Variants in SYT6 observed in about 807,000 individuals in gnomAD.
SYT6 encodes synaptotagmin 6, also known as synaptotagmin-6.
A neutral mutation model predicts 38.4 loss-of-function variants in SYT6; 24 were observed. The ratio of observed to expected loss-of-function variants is 0.62; its 90% CI spans 0.45 to 0.88. The LOEUF is 0.88. Among genes scored for constraint, SYT6 ranks in the 40% least tolerant of loss-of-function variants. The pLI is 0.00. For missense variants in SYT6, 611 were observed against 621.0 expected, an observed-to-expected ratio of 0.98 and a Z score of 0.17; for synonymous variants, 265 against 241.9, an observed-to-expected ratio of 1.10 and a Z score of -0.89.
At chr1:114,095,875 C>T (rs1042501152) in intron 6 of SYT6, among the ~76,000 whole-genome samples, 9 of 152,000 alleles carry the variant, frequency 5.9e-5, no homozygotes, top group African/African-American at 1.9e-4. Flanking sequence ...TTAGCCAGGA[C>T]GGTCTCAATC....
intron 2 of SYT6, among the ~76,000 whole-genome samples, chr1:114,138,630 A>T (rs1374146079): frequency 6.6e-6 from 1 of 152,234 alleles, no homozygotes; most frequent in African/African-American, 2.4e-5. Flanking sequence ...AGGATAATAA[A>T]AGTAACAGCT....
At chr1:114,147,658 T>A (rs1232031706) in intron 1 of SYT6, among the ~76,000 whole-genome samples, 1 of 152,246 alleles carries the variant, frequency 6.6e-6, no homozygotes, top group African/African-American at 2.4e-5. Flanking sequence ...AGTGCCAGAA[T>A]GACCGACAGC....
chr1:114,111,331 A>ACTATTATCT (rs1292434651), intron 3 of SYT6, among the ~76,000 whole-genome samples: 1 of 152,124 alleles, frequency 6.6e-6, no homozygotes, highest in Non-Finnish European at 1.5e-5. Flanking sequence ...ACCACTTTTT[A>ACTATTATCT]CCTGGGGACA....
intron 3 of SYT6, among the ~76,000 whole-genome samples, chr1:114,130,082 C>T (rs1678058290): frequency 6.6e-6 from 1 of 152,050 alleles, no homozygotes; most frequent in Non-Finnish European, 1.5e-5. Context: ...AGGGTTCTCT[C>T]CCATATTTCA....
At chr1:114,122,520 C>A (rs1286491853) in intron 3 of SYT6, among the ~76,000 whole-genome samples, 2 of 144,304 alleles carry the variant, frequency 1.4e-5, no homozygotes, top group Admixed American at 7.2e-5. Flanking sequence ...CGCACATGAG[C>A]ATATGCACAC....
At chr1:114,092,161 G>T in intron 7 of SYT6, 79 bp from the exon 8 acceptor site, 1 of 1,337,074 alleles carries the variant, frequency 7.5e-7, no homozygotes, top group Non-Finnish European at 1.0e-6. Context: ...CTGGCCCAAT[G>T]CACTGAATTC....
chr1:114,112,918 A>G (rs537675227), intron 3 of SYT6, among the ~76,000 whole-genome samples: 4 of 152,012 alleles, frequency 2.6e-5, no homozygotes, highest in African/African-American at 4.8e-5. Flanking sequence ...GGGGGCTGGG[A>G]CTCTCAGCAG....
chr1:114,135,151 G>A (rs1468746207), intron 3 of SYT6, among the ~76,000 whole-genome samples: 5 of 151,986 alleles, frequency 3.3e-5, no homozygotes, highest in Admixed American at 2.0e-4. Flanking sequence ...CATGGGTGGG[G>A]CTCTGCAGCT....
At position 114,091,569 on chromosome 1, in the gene SYT6, C is replaced by A; in HGVS notation, c.*565G>T. 6.4e-6 allele frequency: 1 copy of A among 155,290 alleles called. No individual in the cohort carries two copies. The allele number at this position is 155,290 out of a possible 1,614,324, so 9.6% of individuals were successfully genotyped here. A position where few individuals can be genotyped will look rare whatever the true frequency, so the allele number is the denominator to read the frequency against. ...GGCTCTTCCATGGATTCACCCCATTCCTGCAGGGCACTGAAAATGCAGCCG... is the reference window on the plus strand; with the variant it reads ...GGCTCTTCCATGGATTCACCCCATTACTGCAGGGCACTGAAAATGCAGCCG... On this transcript the variant is annotated 3_prime_UTR_variant, in exon 8 of 8. Coordinates refer to ENST00000610222, the MANE Select transcript of SYT6 (RefSeq NM_001253772.2).
intron 3 of SYT6, among the ~76,000 whole-genome samples, chr1:114,121,035 A>G (rs1265229535): frequency 6.6e-6 from 1 of 152,232 alleles, no homozygotes; most frequent in Non-Finnish European, 1.5e-5. Context: ...CTAACTGGCC[A>G]GAGAGGGACA....
intron 1 of SYT6, among the ~76,000 whole-genome samples, chr1:114,141,502 A>G (rs1239574514): frequency 1.3e-5 from 2 of 152,240 alleles, no homozygotes; most frequent in African/African-American, 2.4e-5. Context: ...TTGGTTCTTG[A>G]GGTTTAAGGA....
chr1:114,092,189 A>C, intron 7 of SYT6, 107 bp from the exon 8 acceptor site: 166 of 1,087,790 alleles, frequency 1.5e-4, no homozygotes, highest in Non-Finnish European at 1.9e-4. Flanking sequence ...CTAGCTTCTC[A>C]TAAGCTTTCT....
chr1:114,139,154 T>C (rs1257689188), intron 2 of SYT6, among the ~76,000 whole-genome samples: 1 of 152,220 alleles, frequency 6.6e-6, no homozygotes, highest in Non-Finnish European at 1.5e-5. Flanking sequence ...TCTGAAAGGC[T>C]TTAAAGGAAT....
chr1:114,113,823 A>G (rs1474656722), intron 3 of SYT6, among the ~76,000 whole-genome samples: 1 of 152,102 alleles, frequency 6.6e-6, no homozygotes, highest in Non-Finnish European at 1.5e-5. Context: ...TCTTCCCCAG[A>G]TGGAAAATGG....
chr1:114,105,884 T>G (rs2774281), intron 3 of SYT6, among the ~76,000 whole-genome samples: 139,788 of 152,190 alleles, frequency 0.92, 64,392 homozygotes, highest in East Asian at 1. Context: ...TTGTTCATTT[T>G]TGTTTCCATT....
rs150262816 is a variant in SYT6, at chr1:114,138,015, T to C, written c.551A>G (p.His184Arg). ...ATTGCCATAGTCTACACTGGAGACA[T>C]GCATCTGCCTTGGCAGGTGGCGCTT... ...SFKRHLPRQM[H>R]VSSVDYGNEL... The change falls in exon 3 of 8, where the codon CAT (histidine) becomes CGT (arginine). Residue 184 changes from histidine (H) to arginine (R), a missense_variant. By Grantham distance (29) the His-to-Arg change is conservative (BLOSUM62 0). Coordinates refer to ENST00000610222, the MANE Select transcript of SYT6 (RefSeq NM_001253772.2). The C allele has an allele frequency of 3.1e-6, 5 of 1,613,762 alleles. No homozygotes were observed. The highest frequency in any genetic ancestry group is 4.2e-6 in the Non-Finnish European group (5 of 1,179,994).
intron 4 of SYT6, among the ~76,000 whole-genome samples, chr1:114,101,216 A>G (rs905381075): frequency 6.6e-6 from 1 of 152,176 alleles, no homozygotes; most frequent in African/African-American, 2.4e-5. Context: ...TTCAGTGCAC[A>G]TATTTCCCTT....
At chr1:114,098,132 T>C (rs1299658067) in intron 5 of SYT6, among the ~76,000 whole-genome samples, 2 of 152,202 alleles carry the variant, frequency 1.3e-5, no homozygotes, top group African/African-American at 2.4e-5. Flanking sequence ...GGTGGGCAGA[T>C]AGCCTGAGTA....
At chr1:114,099,029 G>A (rs768254924) in intron 5 of SYT6, 65 bp downstream of exon 5, 41 of 1,513,416 alleles carry the variant, frequency 2.7e-5, no homozygotes, top group Non-Finnish European at 3.6e-5. Context: ...AGGTCAAGGA[G>A]CCCTGTGCTG....
Sources: gnomAD v4.1 joint callset for allele counts (sites outside exome capture counted in the v4.1 genomes callset) on GRCh38, gnomAD v4.1.1 for gene constraint, MANE v1.5 for transcripts, NCBI Gene and HGNC (gene_info 2026-07-23, HGNC 2026-07-21) for gene names.